Variants in C3 observed in about 807,000 individuals in gnomAD.
C3 encodes complement C3, also known as C3 and PZP-like alpha-2-macroglobulin domain-containing protein 1.
A neutral mutation model predicts 207.9 loss-of-function variants in C3; 97 were observed. The ratio of observed to expected loss-of-function variants is 0.47; its 90% CI spans 0.40 to 0.55. C3 has a LOEUF of 0.55. C3 is among the 20% of genes least tolerant of loss of function. C3 has a pLI of 0.00. For synonymous variants in C3, 848 were observed against 857.6 expected, an observed-to-expected ratio of 0.99 and a Z score of 0.20; for missense variants, 1,684 against 2,171.7, an observed-to-expected ratio of 0.78 and a Z score of 4.46.
At chr19:6,695,604 C>T (rs967390649) in intron 23 of C3, among the ~76,000 whole-genome samples, 7 of 151,970 alleles carry the variant, frequency 4.6e-5, no homozygotes, top group Non-Finnish European at 8.8e-5. Context: ...TTCAGCCTCC[C>T]GAGTGGCTGG....
intron 23 of C3, among the ~76,000 whole-genome samples, 182 bp downstream of exon 23, chr19:6,696,185 GGGTGACAGAGCC>G (rs1967527273): frequency 6.7e-6 from 1 of 149,044 alleles, no homozygotes; most frequent in Non-Finnish European, 1.5e-5. Context: ...ACTCCAGCCT[GGGTGACAGAGCC>G]AGACTCTGTC....
At position 6,693,028 on chromosome 19, in the gene C3, C is replaced by T. The variant is rs1235941380; in HGVS notation, c.3286G>A (p.Asp1096Asn). 1.9e-6 allele frequency: 3 copies of T among 1,614,154 alleles called. No homozygotes were observed. The highest frequency in any genetic ancestry group is 1.1e-5 in the South Asian group (1 of 91,074). Residue 1096 changes from aspartate (D) to asparagine (N), a missense_variant, in exon 26 of 41, where the codon GAC becomes AAC. Coordinates refer to ENST00000245907, the MANE Select transcript of C3 (RefSeq NM_000064.4). Reference sequence around the variant, plus strand: ...ACAGCCCCGCAGAGGACTTGGGAGTCGATGGCGATGAGGTTGACAGCCAGA... The same window carrying T: ...ACAGCCCCGCAGAGGACTTGGGAGTTGATGGCGATGAGGTTGACAGCCAGA... ...FSLAVNLIAI[D>N]SQVLCGAVKW...
At chr19:6,699,061 G>A (rs1463447855) in intron 19 of C3, among the ~76,000 whole-genome samples, 1 of 152,080 alleles carries the variant, frequency 6.6e-6, no homozygotes, top group African/African-American at 2.4e-5. Context: ...CTCCCAAAGT[G>A]CTGGGATTAC....
chr19:6,717,838 TTGCATTGTGTGTG>T lies in C3; in HGVS notation c.504+243_504+255del, dbSNP rs375421886. 7,116 of 602,516 alleles carry T rather than the reference TTGCATTGTGTGTG, an allele frequency of 0.012. 187 individuals carry two copies. The highest frequency in any genetic ancestry group is 0.059 in the African/African-American group (3,237 of 54,404). 37.3% of individuals were successfully genotyped at this position (602,516 alleles called of 1,614,324 possible). A position where few individuals can be genotyped will look rare whatever the true frequency, so the allele number is the denominator to read the frequency against. ...CGTGTATGTTGTGTGTTTGTGTGTG[TTGCATTGTGTGTG>T]TGCATTGTGTGTGCACATGTGTCTG... On this transcript the variant is annotated intron_variant, in intron 4 of 40. Coordinates refer to ENST00000245907, the MANE Select transcript of C3 (RefSeq NM_000064.4).
rs775843240 is a variant in C3, at chr19:6,709,762, G to A, written c.1767C>T (p.His589=). The A allele has an allele frequency of 2.2e-5, 36 of 1,613,892 alleles. No individual in the cohort carries two copies. Among genetic ancestry groups the A allele is most frequent in the East Asian group, 4.5e-5 (2 of 44,886 alleles). Residue 589 remains histidine (H), a synonymous_variant, in exon 14 of 41, where the codon CAC becomes CAT. Coordinates refer to ENST00000245907, the MANE Select transcript of C3 (RefSeq NM_000064.4). ...CGGCCACCAGTACCACCCGGGCCCC[G>A]TGGTCACCCTCTATCTTCAGGGTCA... The part of the protein sequence containing the change: ...QQMTLKIEGD[H]GARVVLVAVD...
rs772285110 is a variant in C3, at chr19:6,677,857, C to G, written c.*25G>C. On this transcript the variant is annotated 3_prime_UTR_variant, in exon 41 of 41. Transcript: ENST00000245907. ...ACGTGAGATATAACTGAAGCTTTAT[C>G]TGGAGTGGGGGAATGGGGGTGTGGT... 1 of 1,613,476 alleles carries G rather than the reference C, an allele frequency of 6.2e-7. No homozygotes were observed. The highest frequency in any genetic ancestry group is 1.3e-5 in the African/African-American group (1 of 74,878).
intron 17 of C3, among the ~76,000 whole-genome samples, chr19:6,703,259 CAT>C (rs1368800081): frequency 2.0e-5 from 3 of 152,088 alleles, no homozygotes; most frequent in Admixed American, 6.6e-5. Flanking sequence ...GGTATAAGGA[CAT>C]ATACAATGCA....
At chr19:6,701,304 G>C (rs923409145) in intron 19 of C3, among the ~76,000 whole-genome samples, 1 of 152,044 alleles carries the variant, frequency 6.6e-6, no homozygotes, top group South Asian at 2.1e-4. Flanking sequence ...GGAGATTTTC[G>C]ATGCTAATGA....
Position 6,718,300 on chromosome 19 carries a change from C to G in C3, c.380G>C (p.Ser127Thr). Residue 127 changes from serine (S) to threonine (T), a missense_variant, in exon 3 of 41, where the codon AGC (serine) becomes ACC (threonine). Ser to Thr is a moderately conservative substitution (Grantham distance 58, BLOSUM62 1). This residue lies in a region of C3 where 1,280 missense variants were observed against 1,739.1 expected (regional missense o/e 0.74). Coordinates refer to ENST00000245907, the MANE Select transcript of C3 (RefSeq NM_000064.4). ...GTCTGTCTGGATGAAGAGGTACCCG[C>G]TCTGCAGGCTGACCAGCACCACCTT... ...VEKVVLVSLQ[S>T]GYLFIQTDKT... The G allele has an allele frequency of 6.2e-7, 1 of 1,614,242 alleles. No homozygotes were observed.
intron 33 of C3, 75 bp downstream of exon 33, chr19:6,684,313 T>C: frequency 9.0e-7 from 1 of 1,105,214 alleles, no homozygotes; most frequent in Non-Finnish European, 1.4e-6. Context: ...CTGAATATCA[T>C]GGATATTATT....
intron 21 of C3, among the ~76,000 whole-genome samples, chr19:6,697,077 A>AAATAAATAAATT (rs1967555152): frequency 4.1e-5 from 2 of 49,002 alleles, no homozygotes; most frequent in African/African-American, 1.2e-4. Flanking sequence ...AATAAATAAA[A>AAATAAATAAATT]AATTTCAAAT....
rs1460005321 is a variant in C3, at chr19:6,697,353, C to G, written c.2787G>C (p.Leu929=). 6.2e-7 allele frequency: 1 copy of G among 1,613,966 alleles called. No homozygotes were observed. The highest frequency in any genetic ancestry group is 1.1e-5 in the South Asian group (1 of 91,084). The change falls in exon 21 of 41, where the codon CTG becomes CTC. Residue 929 remains leucine (L), a synonymous_variant. Transcript: ENST00000245907. ...HFISDGVRKS[L]KVVPEGIRMN... ...TGCCCCAAGCACTCACCACGACCTT[C>G]AGGGACTTCCTGACACCGTCACTGA...
At chr19:6,687,005 T>C (rs1918025943) in intron 27 of C3, 103 bp from the exon 28 acceptor site, 3 of 1,204,778 alleles carry the variant, frequency 2.5e-6, no homozygotes, top group African/African-American at 3.0e-5. Context: ...TTTCTGTCCT[T>C]GGGACACACC....
At chr19:6,707,411 C>A in intron 16 of C3, 55 bp downstream of exon 16, 3 of 1,606,294 alleles carry the variant, frequency 1.9e-6, no homozygotes, top group South Asian at 1.1e-5. Context: ...CACGGCCGGG[C>A]TGGGGTCTCC....
intron 17 of C3, among the ~76,000 whole-genome samples, chr19:6,704,114 C>T (rs1967726009): frequency 6.6e-6 from 1 of 152,004 alleles, no homozygotes; most frequent in Non-Finnish European, 1.5e-5. Context: ...CCTCTCTCTA[C>T]AAATAATAAT....
At position 6,713,451 on chromosome 19, in the gene C3, C is replaced by T. The variant is rs1238225357; in HGVS notation, c.832G>A (p.Gly278Ser). 1.2e-6 allele frequency: 2 copies of T among 1,613,954 alleles called. No individual in the cohort carries two copies. Among genetic ancestry groups the T allele is most frequent in the Non-Finnish European group, 1.7e-6 (2 of 1,179,954 alleles). The change falls in exon 8 of 41, where the codon GGC becomes AGC. Residue 278 changes from glycine to serine, a missense_variant. Coordinates refer to ENST00000245907, the MANE Select transcript of C3 (RefSeq NM_000064.4). ...TCAGGCAGGGAAATCCTCTGTTCGC[C>T]ATCCTGGATCCCGAAGATGACAAAG... The part of the protein sequence containing the change: ...TAFVIFGIQD[G>S]EQRISLPESL...
chr19:6,678,081 T>G, intron 40 of C3, 58 bp from the exon 41 acceptor site: 4 of 1,613,360 alleles, frequency 2.5e-6, no homozygotes, highest in Non-Finnish European at 3.4e-6. Flanking sequence ...CGCAGGGGCG[T>G]GACAATGGTG....
chr19:6,692,759 G>C (rs1918197986), intron 26 of C3, among the ~76,000 whole-genome samples, 165 bp downstream of exon 26: 1 of 152,110 alleles, frequency 6.6e-6, no homozygotes, highest in Admixed American at 6.5e-5. Flanking sequence ...TGCAATGCTG[G>C]AGTGACGCCT....
intron 23 of C3, among the ~76,000 whole-genome samples, chr19:6,696,102 C>A (rs963184772): frequency 1.4e-5 from 2 of 147,168 alleles, no homozygotes; most frequent in African/African-American, 5.0e-5. Context: ...CCCAGCTACT[C>A]GGGAGGCTGA....
Sources: allele counts gnomAD v4.1 joint callset (sites outside exome capture counted in the v4.1 genomes callset), GRCh38; gene constraint gnomAD v4.1.1; regional missense constraint gnomAD v4.1.1; transcripts MANE v1.5; gene names NCBI Gene and HGNC (gene_info 2026-07-23, HGNC 2026-07-21).